The following LRP1B variants were observed in gnomAD, a reference collection of about 807,000 sequenced individuals.
LRP1B encodes LDL receptor related protein 1B, also known as low-density lipoprotein receptor-related protein 1B.
LRP1B carries 217 observed loss-of-function variants against 556.6 expected under a neutral mutation model. That is an observed-to-expected ratio of 0.39 (90% confidence interval 0.35 to 0.44). The LOEUF is 0.44. LRP1B is among the 20% of genes least tolerant of loss of function. The pLI is 1.00. For synonymous variants in LRP1B, 2,047 were observed against 1,865.8 expected (o/e 1.10, Z -2.50); for missense variants, 5,053 against 5,620.8 (o/e 0.90, Z 3.23).
intron 3 of LRP1B, among the ~76,000 whole-genome samples, chr2:141,264,777 A>C (rs983514535): frequency 2.0e-5 from 3 of 152,162 alleles, no homozygotes; most frequent in Non-Finnish European, 4.4e-5. Flanking sequence ...GAATTTATAA[A>C]AGATTGTATA....
chr2:141,644,754 C>T (rs959275074), intron 2 of LRP1B, among the ~76,000 whole-genome samples: 1 of 148,832 alleles, frequency 6.7e-6, no homozygotes, highest in African/African-American at 2.5e-5. Context: ...CACACACACA[C>T]ACACACACGC....
At chr2:141,079,035 G>A (rs912708452) in intron 7 of LRP1B, among the ~76,000 whole-genome samples, 4 of 151,960 alleles carry the variant, frequency 2.6e-5, no homozygotes, top group Non-Finnish European at 5.9e-5. Context: ...GTATGAAAAT[G>A]TACTATACTC....
chr2:141,371,336 T>A (rs1254705182), intron 3 of LRP1B, among the ~76,000 whole-genome samples: 1 of 152,182 alleles, frequency 6.6e-6, no homozygotes, highest in African/African-American at 2.4e-5. Flanking sequence ...TCATTTTGAT[T>A]AGGGTTGTTT....
At chr2:141,947,929 T>C (rs1277019312) in intron 1 of LRP1B, among the ~76,000 whole-genome samples, 1 of 152,156 alleles carries the variant, frequency 6.6e-6, no homozygotes, top group Admixed American at 6.6e-5. Flanking sequence ...GAGACTCCAC[T>C]GATCCATTTA....
chr2:141,999,468 T>C (rs1055349538), intron 1 of LRP1B, among the ~76,000 whole-genome samples: 2 of 152,122 alleles, frequency 1.3e-5, no homozygotes, highest in Non-Finnish European at 2.9e-5. Context: ...CATAAAAGTT[T>C]GAAGATTTGA....
At chr2:141,300,447 T>C (rs1686346307) in intron 3 of LRP1B, among the ~76,000 whole-genome samples, 1 of 152,156 alleles carries the variant, frequency 6.6e-6, no homozygotes, top group Non-Finnish European at 1.5e-5. Context: ...AAGTTAAATA[T>C]GGAAATGGAT....
chr2:142,000,638 A>C (rs1233008577), intron 1 of LRP1B, among the ~76,000 whole-genome samples: 1 of 152,206 alleles, frequency 6.6e-6, no homozygotes, highest in African/African-American at 2.4e-5. Flanking sequence ...CAGCTCTTTG[A>C]TAGTGTTAAC....
At chr2:141,524,680 A>G (rs1266777382) in intron 2 of LRP1B, among the ~76,000 whole-genome samples, 3 of 152,062 alleles carry the variant, frequency 2.0e-5, no homozygotes, top group Non-Finnish European at 2.9e-5. Flanking sequence ...GCCCTCATCT[A>G]TGTAATTACC....
At chr2:141,074,675 C>T (rs13411956) in intron 7 of LRP1B, among the ~76,000 whole-genome samples, 80,187 of 148,712 alleles carry the variant, frequency 0.54, 21,866 homozygotes, top group Non-Finnish European at 0.57. Flanking sequence ...TTGACAGGCT[C>T]TTTATAAATT....
At chr2:142,048,689 G>A (rs189706185) in intron 1 of LRP1B, among the ~76,000 whole-genome samples, 4 of 152,030 alleles carry the variant, frequency 2.6e-5, no homozygotes, top group Admixed American at 2.0e-4. Context: ...TATTGCTATC[G>A]TGGAAAGTCT....
chr2:141,104,008 G>A (rs995251316), intron 7 of LRP1B, among the ~76,000 whole-genome samples: 15 of 151,680 alleles, frequency 9.9e-5, no homozygotes, highest in African/African-American at 2.7e-4. Flanking sequence ...AGTTTCTTGC[G>A]GTAGTTTAAG....
chr2:140,258,030 A>G (rs1043118546), intron 86 of LRP1B, among the ~76,000 whole-genome samples: 2 of 152,132 alleles, frequency 1.3e-5, no homozygotes, highest in Admixed American at 6.6e-5. Flanking sequence ...AGCCATCACA[A>G]TGTAGAGGAA....
chr2:141,936,068 T>A (rs1700627734), intron 1 of LRP1B, among the ~76,000 whole-genome samples: 1 of 152,186 alleles, frequency 6.6e-6, no homozygotes, highest in Non-Finnish European at 1.5e-5. Context: ...TGGAAAGGAA[T>A]TTCTCTAAAC....
intron 57 of LRP1B, among the ~76,000 whole-genome samples, chr2:140,489,428 T>C (rs1281969354): frequency 6.6e-6 from 1 of 152,050 alleles, no homozygotes; most frequent in Admixed American, 6.6e-5. Context: ...TGACTATAAG[T>C]GCTAAAGAAG....
chr2:141,937,123 C>T (rs1037830408), intron 1 of LRP1B, among the ~76,000 whole-genome samples: 1 of 152,086 alleles, frequency 6.6e-6, no homozygotes, highest in Non-Finnish European at 1.5e-5. Flanking sequence ...GGCGAGGTGG[C>T]TCACGCTTGT....
intron 7 of LRP1B, among the ~76,000 whole-genome samples, chr2:141,162,697 T>C (rs761540156): frequency 1.4e-4 from 21 of 152,064 alleles, no homozygotes; most frequent in Non-Finnish European, 2.4e-4. Context: ...CTTTCCAAAT[T>C]GGAAATTGAA....
At chr2:141,305,829 C>A (rs942834891) in intron 3 of LRP1B, among the ~76,000 whole-genome samples, 2 of 152,124 alleles carry the variant, frequency 1.3e-5, no homozygotes, top group Admixed American at 1.3e-4. Context: ...TTTCTTCCTG[C>A]ATCTATTTAG....
intron 1 of LRP1B, among the ~76,000 whole-genome samples, chr2:141,892,989 CT>C (rs1699336818): frequency 6.6e-6 from 1 of 152,050 alleles, no homozygotes; most frequent in African/African-American, 2.4e-5. Flanking sequence ...ATGTTTTAAT[CT>C]TAATTTATAT....
chr2:141,505,006 T>C (rs1265708890), intron 2 of LRP1B, among the ~76,000 whole-genome samples: 1 of 152,024 alleles, frequency 6.6e-6, no homozygotes, highest in Non-Finnish European at 1.5e-5. Flanking sequence ...TTACATTAGA[T>C]CAAAGGTTTA....
Sources: gnomAD v4.1 joint callset for allele counts (sites outside exome capture counted in the v4.1 genomes callset) on GRCh38, gnomAD v4.1.1 for gene constraint, MANE v1.5 for transcripts, NCBI Gene and HGNC (gene_info 2026-07-23, HGNC 2026-07-21) for gene names.